The following ACMSD variants were observed in gnomAD, a reference collection of about 807,000 sequenced individuals.
The protein encoded by ACMSD is aminocarboxymuconate semialdehyde decarboxylase, also known as 2-amino-3-carboxymuconate-6-semialdehyde decarboxylase.
A neutral mutation model predicts 45.9 loss-of-function variants in ACMSD; 37 were observed. That is an observed-to-expected ratio of 0.81 (90% CI 0.62 to 1.06). The LOEUF is 1.06. Among genes scored for constraint, ACMSD ranks in the 50% least tolerant of loss-of-function variants. The pLI is 0.00. For missense variants in ACMSD, 434 were observed against 420.9 expected (o/e 1.03, Z -0.27); for synonymous variants, 138 against 148.8 (o/e 0.93, Z 0.53).
rs56946830 is a variant in ACMSD, at chr2:134,871,511, G to GTT, written c.676+462_676+463dup. On this transcript the variant is annotated intron_variant, in intron 7 of 9. Coordinates refer to ENST00000356140, the MANE Select transcript of ACMSD (RefSeq NM_138326.3). ...TGTAGGCAAGTTTAGTTTTGTCATT[G>GTT]TTTTTTTTTTTTCTGTTTTTTTTAT... 8.0e-3 allele frequency among the ~76,000 whole-genome samples: 1,157 copies of GTT among 145,510 alleles called. 25 individuals carry two copies. The highest frequency in any genetic ancestry group is 0.07 in the South Asian group (321 of 4,602).
intron 8 of ACMSD, among the ~76,000 whole-genome samples, chr2:134,892,380 C>G (rs975965881): frequency 2.0e-5 from 3 of 151,964 alleles, no homozygotes; most frequent in Admixed American, 2.0e-4. Flanking sequence ...AGCTCCATTA[C>G]TATTCCAGGC....
At chr2:134,875,298 G>A (rs1037358879) in intron 8 of ACMSD, among the ~76,000 whole-genome samples, 1 of 152,112 alleles carries the variant, frequency 6.6e-6, no homozygotes, top group Non-Finnish European at 1.5e-5. Flanking sequence ...GACCCAAAAA[G>A]TGTTTTTAAA....
intron 2 of ACMSD, among the ~76,000 whole-genome samples, chr2:134,852,496 A>G (rs540608378): frequency 5.6e-4 from 86 of 152,328 alleles, no homozygotes; most frequent in African/African-American, 2.0e-3. Context: ...ATGGTGGCCT[A>G]TCAGGCAGAG....
At chr2:134,841,920 G>A (rs1041831179) in intron 1 of ACMSD, among the ~76,000 whole-genome samples, 4 of 152,100 alleles carry the variant, frequency 2.6e-5, no homozygotes, top group Non-Finnish European at 4.4e-5. Context: ...TCCTTCTGAG[G>A]AGATAAATAT....
chr2:134,847,433 TAGATAGATAGATAG>T, intron 2 of ACMSD, among the ~76,000 whole-genome samples: 1 of 150,024 alleles, frequency 6.7e-6, no homozygotes, highest in South Asian at 2.1e-4. Context: ...GATAGATAGA[TAGATAGATAGATAG>T]ATATAGATAG....
rs1388039966 is a variant in ACMSD, at chr2:134,838,636, T to C, written c.-47T>C. ...ACTCCACAGTTTTCACAAAGGTCTC[T>C]TGATATCAAAACTTCTTTCCTTGCA... On this transcript the variant is annotated 5_prime_UTR_variant, in exon 1 of 10. Coordinates refer to ENST00000356140, the MANE Select transcript of ACMSD (RefSeq NM_138326.3). 2.0e-6 allele frequency: 3 copies of C among 1,530,382 alleles called. No homozygotes were observed. In the East Asian group the frequency reaches 6.8e-5, roughly 34 times the overall value. 94.8% of individuals were successfully genotyped at this position (1,530,382 alleles called of 1,614,324 possible). A position where few individuals can be genotyped will look rare whatever the true frequency, so the allele number is the denominator to read the frequency against.
intron 8 of ACMSD, 127 bp downstream of exon 8, chr2:134,872,768 C>A: frequency 8.6e-7 from 1 of 1,166,572 alleles, no homozygotes; most frequent in Non-Finnish European, 1.2e-6. Flanking sequence ...AGGAGAGAGA[C>A]AGTGAGGTTT....
At chr2:134,881,092 C>T (rs146864554) in intron 8 of ACMSD, among the ~76,000 whole-genome samples, 5 of 152,304 alleles carry the variant, frequency 3.3e-5, no homozygotes, top group African/African-American at 4.8e-5. Flanking sequence ...CTCTGCCTCC[C>T]GATTCAAGCA....
chr2:134,838,801 CTCT>C (rs1429000488), intron 1 of ACMSD, 62 bp downstream of exon 1: 1 of 1,335,872 alleles, frequency 7.5e-7, no homozygotes, highest in Non-Finnish European at 1.1e-6. Flanking sequence ...CAATGCCTTT[CTCT>C]TCTTTGTGGA....
In ACMSD at chr2:134,880,765, T is replaced by C. The variant is rs560774019; in HGVS notation, c.849+8124T>C. Among the ~76,000 whole-genome samples the C allele has an allele frequency of 5.9e-5, 9 of 152,356 alleles. No individual in the cohort carries two copies. In the South Asian group the frequency reaches 1.9e-3, roughly 32 times the overall value. On this transcript the variant is annotated intron_variant, in intron 8 of 9. Coordinates refer to ENST00000356140, the MANE Select transcript of ACMSD (RefSeq NM_138326.3). ...TTTCATATTAAATGCTTTCCTCATG[T>C]GTCTATACTTTTTGAGCATGTACAA...
Position 134,898,376 on chromosome 2 carries a change from A to C in ACMSD, c.885A>C (p.Pro295=), listed in dbSNP as rs759363194. ...KVILGTDYPF[P]LGELEPGKLI... ...TTTTGGGAACCGATTACCCCTTTCC[A>C]CTAGGTGAGCTGGAACCTGGGAAAC... Residue 295 remains proline (P), a synonymous_variant, in exon 9 of 10, where the codon CCA becomes CCC. Transcript: ENST00000356140. The C allele has an allele frequency of 5.6e-6, 9 of 1,602,294 alleles. No individual in the cohort carries two copies. Among genetic ancestry groups the C allele is most frequent in the African/African-American group, 1.3e-5 (1 of 74,380 alleles).
At position 134,838,708 on chromosome 2, in the gene ACMSD, T is replaced by G; in HGVS notation, c.26T>G (p.Ile9Ser). 6.2e-7 allele frequency: 1 copy of G among 1,612,578 alleles called. No homozygotes were observed. The highest frequency in any genetic ancestry group is 1.7e-5 in the Admixed American group (1 of 59,918). Residue 9 changes from isoleucine to serine, a missense_variant, in exon 1 of 10, where the codon ATT becomes AGT. By Grantham distance (142) the Ile-to-Ser change is moderately radical. Transcript: ENST00000356140. ...ATGAAAATTGACATCCATAGTCATA[T>G]TCTACCAAAAGAATGGCCAGATCTA... MKIDIHSH[I>S]LPKEWPDLKK...
intron 8 of ACMSD, among the ~76,000 whole-genome samples, chr2:134,878,006 G>C (rs1240094476): frequency 6.6e-6 from 1 of 152,088 alleles, no homozygotes; most frequent in Non-Finnish European, 1.5e-5. Context: ...TGCCCCAAAA[G>C]TCTCATCCAT....
chr2:134,863,744 G>A (rs1280406897), intron 5 of ACMSD, 113 bp downstream of exon 5: 7 of 1,075,966 alleles, frequency 6.5e-6, no homozygotes, highest in Non-Finnish European at 9.6e-6. Flanking sequence ...GGGGAGAGCG[G>A]TGTCCACGAC....
chr2:134,844,041 T>C (rs1453938716), intron 1 of ACMSD, among the ~76,000 whole-genome samples: 1 of 152,200 alleles, frequency 6.6e-6, no homozygotes, highest in African/African-American at 2.4e-5. Context: ...ACTTTTATTT[T>C]CTCTGCCCTA....
In ACMSD at chr2:134,898,371, T is replaced by C; in HGVS notation, c.880T>C (p.Phe294Leu). The stretch of plus-strand genomic sequence containing the variant: ...AGTCATTTTGGGAACCGATTACCCC[T>C]TTCCACTAGGTGAGCTGGAACCTGG... ...DKVILGTDYP[F>L]PLGELEPGKL... The change falls in exon 9 of 10, where the codon TTT becomes CTT. Residue 294 changes from phenylalanine to leucine, a missense_variant. Phe to Leu is a conservative substitution (Grantham distance 22). Transcript: ENST00000356140. 1 of 1,600,012 alleles carries C rather than the reference T, an allele frequency of 6.2e-7. No individual in the cohort carries two copies. The highest frequency in any genetic ancestry group is 2.3e-5 in the East Asian group (1 of 44,268).
chr2:134,852,437 G>A (rs79472142), intron 2 of ACMSD, among the ~76,000 whole-genome samples: 11,996 of 152,186 alleles, frequency 0.079, 708 homozygotes, highest in East Asian at 0.3. Context: ...ACCAGCCATC[G>A]TAGGCAATAT....
intron 8 of ACMSD, among the ~76,000 whole-genome samples, chr2:134,875,419 C>T (rs527424190): frequency 1.2e-4 from 19 of 152,192 alleles, no homozygotes; most frequent in African/African-American, 4.6e-4. Context: ...TACACAGATA[C>T]ATGTCATATA....
intron 6 of ACMSD, among the ~76,000 whole-genome samples, chr2:134,869,956 C>G (rs1285244653): frequency 1.3e-5 from 2 of 152,338 alleles, no homozygotes; most frequent in African/African-American, 4.8e-5. Flanking sequence ...CTTCAGGAAG[C>G]TCTACCCACA....
Sources: allele counts gnomAD v4.1 joint callset (sites outside exome capture counted in the v4.1 genomes callset), GRCh38; gene constraint gnomAD v4.1.1; transcripts MANE v1.5; gene names NCBI Gene and HGNC (gene_info 2026-07-23, HGNC 2026-07-21).